Variants in CREBBP observed in about 807,000 individuals in gnomAD.
CREBBP encodes the protein CREB-binding protein.
A neutral mutation model predicts 265.0 loss-of-function variants in CREBBP; 19 were observed. That is an observed-to-expected ratio of 0.07 (90% CI 0.05 to 0.11). CREBBP has a LOEUF of 0.11. CREBBP is among the 10% of genes least tolerant of loss of function. The probability of loss-of-function intolerance (pLI) is 1.00; values close to 1 mark genes in which losing one functional copy is unlikely to be tolerated. For missense variants in CREBBP, 2,525 were observed against 3,219.0 expected (o/e 0.78, Z 5.22); for synonymous variants, 1,457 against 1,223.7 (o/e 1.19, Z -3.98).
chr16:3,852,758 G>A (rs751665724), intron 1 of CREBBP, among the ~76,000 whole-genome samples: 16 of 152,004 alleles, frequency 1.1e-4, no homozygotes, highest in Non-Finnish European at 1.6e-4. Context: ...AAAATAATCC[G>A]TCTTTCCTGA....
intron 1 of CREBBP, among the ~76,000 whole-genome samples, chr16:3,862,747 T>C (rs2055103054): frequency 6.6e-6 from 1 of 152,156 alleles, no homozygotes; most frequent in African/African-American, 2.4e-5. Flanking sequence ...CATCTTGAAG[T>C]TTTTCCCTTG....
At chr16:3,853,350 C>A (rs1258171617) in intron 1 of CREBBP, among the ~76,000 whole-genome samples, 1 of 152,200 alleles carries the variant, frequency 6.6e-6, no homozygotes, top group Non-Finnish European at 1.5e-5. Flanking sequence ...GTGGCTCACG[C>A]CTGTAATCCC....
intron 2 of CREBBP, among the ~76,000 whole-genome samples, chr16:3,816,255 CAATT>C (rs1417328972): frequency 6.6e-6 from 1 of 152,194 alleles, no homozygotes; most frequent in Non-Finnish European, 1.5e-5. Context: ...GCGTATCAAT[CAATT>C]AACTGTTTGA....
At chr16:3,784,836 G>A (rs1265057674) in intron 5 of CREBBP, among the ~76,000 whole-genome samples, 7 of 152,306 alleles carry the variant, frequency 4.6e-5, no homozygotes, top group Admixed American at 1.3e-4. Flanking sequence ...GGCAGCCAAC[G>A]CCTCATACTC....
intron 19 of CREBBP, 136 bp downstream of exon 19, chr16:3,757,152 G>GC (rs1242867306): frequency 8.1e-6 from 6 of 740,714 alleles, no homozygotes; most frequent in Non-Finnish European, 1.5e-5. Flanking sequence ...GGGATTACAG[G>GC]CGTGAGCCAC....
intron 5 of CREBBP, among the ~76,000 whole-genome samples, chr16:3,788,168 T>C (rs1467911120): frequency 6.6e-6 from 1 of 152,186 alleles, no homozygotes; most frequent in Non-Finnish European, 1.5e-5. Flanking sequence ...CCTGGGGGAC[T>C]CTAGGTTGGA....
Position 3,731,171 on chromosome 16 carries a change from G to C in CREBBP, c.5172+21C>G, listed in dbSNP as rs999964994. The C allele has an allele frequency of 1.2e-6, 2 of 1,604,330 alleles. No homozygotes were observed. Among genetic ancestry groups the C allele is most frequent in the African/African-American group, 1.3e-5 (1 of 74,774 alleles). ...CAGACCCCAGGCCGGCTGTGGGGGT[G>C]GGGGTGGGGGCAGGGCCTACCTCGC... On this transcript the variant is annotated intron_variant, in intron 30 of 30. Transcript: ENST00000262367. The surrounding 1 kb of genome is among the most constrained non-coding windows in gnomAD (Gnocchi z 7.7).
chr16:3,877,882 A>AGGG (rs2055436355), intron 1 of CREBBP, among the ~76,000 whole-genome samples: 1 of 152,244 alleles, frequency 6.6e-6, no homozygotes, highest in Non-Finnish European at 1.5e-5. Flanking sequence ...GTCCCACGAA[A>AGGG]GAGCCCCTGT....
chr16:3,734,221 T>A (rs970864497), intron 28 of CREBBP, among the ~76,000 whole-genome samples: 4 of 152,064 alleles, frequency 2.6e-5, no homozygotes, highest in African/African-American at 9.7e-5. Flanking sequence ...GCAGAGCTAA[T>A]AGCAAAGCAG....
chr16:3,731,568 G>C lies in CREBBP; in HGVS notation c.4891-95C>G, dbSNP rs549175104. ...CGCAGCCACCCAGCCTGCAGAATAG[G>C]CAGGTGGCTGAGCCTGATGGCCCTG... On this transcript the variant is annotated intron_variant, in intron 29 of 30. Coordinates refer to ENST00000262367, the MANE Select transcript of CREBBP (RefSeq NM_004380.3). The surrounding 1 kb of genome is among the most constrained non-coding windows in gnomAD (Gnocchi z 7.7). 4.3e-4 allele frequency: 638 copies of C among 1,483,544 alleles called. 1 individual carries two copies. Among genetic ancestry groups the C allele is most frequent in the Non-Finnish European group, 5.6e-4 (607 of 1,090,608 alleles). 91.9% of individuals were successfully genotyped at this position (1,483,544 alleles called of 1,614,324 possible).
chr16:3,851,860 C>CAAAAAAAAAAA, intron 1 of CREBBP, among the ~76,000 whole-genome samples: 1 of 28,964 alleles, frequency 3.5e-5, no homozygotes, highest in African/African-American at 1.2e-4. Flanking sequence ...GACTCCGTCT[C>CAAAAAAAAAAA]AAAAAAAAAA....
chr16:3,818,647 C>T (rs2054085820), intron 2 of CREBBP, among the ~76,000 whole-genome samples: 1 of 152,140 alleles, frequency 6.6e-6, no homozygotes, highest in Non-Finnish European at 1.5e-5. Flanking sequence ...GAGGAGCCCA[C>T]TAAGTCCATT....
intron 5 of CREBBP, among the ~76,000 whole-genome samples, chr16:3,788,633 A>G (rs940252155): frequency 3.9e-5 from 6 of 152,200 alleles, no homozygotes; most frequent in African/African-American, 1.4e-4. Context: ...GTGATTACAG[A>G]ATCTTTAAAA....
At position 3,850,774 on chromosome 16, in the gene CREBBP, C is replaced by T. The variant is rs763083818; in HGVS notation, c.321G>A (p.Pro107=). 11 of 1,614,060 alleles carry T rather than the reference C, an allele frequency of 6.8e-6. No homozygotes were observed. Among genetic ancestry groups the T allele is most frequent in the African/African-American group, 1.3e-5 (1 of 75,062 alleles). Residue 107 remains proline, a synonymous_variant, in exon 2 of 31, where the codon CCG becomes CCA. Transcript: ENST00000262367. ...QGLGGQAQGQ[P]NSANMASLSA... is the part of the protein sequence containing the mutation. The stretch of plus-strand genomic sequence containing the variant: ...TGAGGCTGGCCATGTTAGCACTGTT[C>T]GGCTGCCCTTGAGCCTGGCCACCCA...
At chr16:3,876,421 A>AAAAAAAAAAAAAAAAC (rs1567382924) in intron 1 of CREBBP, among the ~76,000 whole-genome samples, 4 of 149,864 alleles carry the variant, frequency 2.7e-5, no homozygotes, top group African/African-American at 7.4e-5. Flanking sequence ...AAAAAAAAAA[A>AAAAAAAAAAAAAAAAC]AAAAACAACC....
chr16:3,876,827 G>C (rs1451411016), intron 1 of CREBBP, among the ~76,000 whole-genome samples: 1 of 152,134 alleles, frequency 6.6e-6, no homozygotes, highest in Admixed American at 6.5e-5. Flanking sequence ...CCCAGGCTTC[G>C]GCAACTTGTT....
At chr16:3,798,626 A>C (rs997123847) in intron 3 of CREBBP, among the ~76,000 whole-genome samples, 2 of 152,260 alleles carry the variant, frequency 1.3e-5, no homozygotes, top group African/African-American at 4.8e-5. Context: ...CCACAGTGAG[A>C]TACCACTTCA....
intron 3 of CREBBP, among the ~76,000 whole-genome samples, chr16:3,800,959 T>G (rs1009870014): frequency 6.6e-6 from 1 of 152,194 alleles, no homozygotes; most frequent in Non-Finnish European, 1.5e-5. Context: ...GATGGAGCTA[T>G]TATTTTTTCT....
In CREBBP at chr16:3,871,411, A is replaced by T. The variant is rs1434576699; in HGVS notation, c.85+8421T>A. 2.6e-5 allele frequency among the ~76,000 whole-genome samples: 4 copies of T among 152,234 alleles called. No individual in the cohort carries two copies. The East Asian group carries it at 7.7e-4, about 29-fold the overall frequency. On this transcript the variant is annotated intron_variant, in intron 1 of 30. Transcript: ENST00000262367. ...CCTTCAACTGTGACTCACAGTTAGA[A>T]GGTTCTACTTTTAATCAGGTGACAA...
Sources: gnomAD v4.1 joint callset for allele counts (sites outside exome capture counted in the v4.1 genomes callset) on GRCh38, gnomAD v4.1.1 for gene constraint, Gnocchi (gnomAD v3.1) non-coding constraint, MANE v1.5 for transcripts, NCBI Gene and HGNC (gene_info 2026-07-23, HGNC 2026-07-21) for gene names.